Variants in DNAJC16 observed in about 807,000 individuals in gnomAD.
The protein encoded by DNAJC16 is dnaJ homolog subfamily C member 16.
DNAJC16 carries 76 observed loss-of-function variants against 92.7 expected under a neutral mutation model. The ratio of observed to expected loss-of-function variants is 0.82; its 90% confidence interval spans 0.68 to 0.99. The LOEUF (loss-of-function observed/expected upper bound fraction) is 0.99. Ranked by LOEUF, DNAJC16 falls within the 50% of genes least tolerant of loss-of-function variation. DNAJC16 has a pLI of 0.00. For missense variants in DNAJC16, 869 were observed against 942.4 expected (o/e 0.92, Z 1.02); for synonymous variants, 328 against 358.7 (o/e 0.91, Z 0.97).
chr1:15,546,602 T>C (rs1283169157), intron 5 of DNAJC16, among the ~76,000 whole-genome samples, 165 bp from the exon 6 acceptor site: 1 of 152,236 alleles, frequency 6.6e-6, no homozygotes, highest in Non-Finnish European at 1.5e-5. Context: ...ATATCACCAT[T>C]CTTTTAATAG....
chr1:15,556,334 A>G (rs1170185164), intron 7 of DNAJC16, among the ~76,000 whole-genome samples: 1 of 152,028 alleles, frequency 6.6e-6, no homozygotes, highest in African/African-American at 2.4e-5. Flanking sequence ...TCCCGGGTTC[A>G]AGTAATTCTC....
intron 3 of DNAJC16, among the ~76,000 whole-genome samples, 195 bp from the exon 4 acceptor site, chr1:15,536,280 A>G (rs1025502973): frequency 6.6e-6 from 1 of 151,700 alleles, no homozygotes; most frequent in South Asian, 2.1e-4. Flanking sequence ...GGGTTTCTCC[A>G]TGTTGGTCAG....
intron 3 of DNAJC16, 76 bp from the exon 4 acceptor site, chr1:15,536,399 G>C: frequency 1.6e-6 from 2 of 1,223,698 alleles, no homozygotes; most frequent in South Asian, 3.2e-5. Flanking sequence ...TTCTTCCTAT[G>C]TCTTTCAAGC....
At chr1:15,567,320 C>T (rs1303133455) in intron 14 of DNAJC16, 51 bp downstream of exon 14, 6 of 1,533,416 alleles carry the variant, frequency 3.9e-6, no homozygotes, top group Admixed American at 1.7e-5. Flanking sequence ...GAGAGAGAGG[C>T]AGGCACACTG....
chr1:15,526,884 TGGACGGGAAGC>T lies in DNAJC16; in HGVS notation c.-92_-82del, dbSNP rs1394611164. ...CCCCAGGCCCAGGCGAGCGCTGGTG[TGGACGGGAAGC>T]TCCCGGCCCGGCGAACTAACTGGAG... On this transcript the variant is annotated 5_prime_UTR_variant, in exon 1 of 15. Coordinates refer to ENST00000375847, the MANE Select transcript of DNAJC16 (RefSeq NM_015291.4). 6.6e-6 allele frequency: 1 copy of T among 152,438 alleles called. No individual in the cohort carries two copies. The highest frequency in any genetic ancestry group is 1.5e-5 in the Non-Finnish European group (1 of 68,162). 9.4% of individuals were successfully genotyped at this position (152,438 alleles called of 1,614,324 possible).
At chr1:15,558,448 A>G (rs1570924925) in intron 7 of DNAJC16, among the ~76,000 whole-genome samples, 1 of 151,970 alleles carries the variant, frequency 6.6e-6, no homozygotes, top group African/African-American at 2.4e-5. Flanking sequence ...CGGCCTCCCA[A>G]AGTTCGGGGA....
chr1:15,534,538 AT>A (rs1482626752), intron 3 of DNAJC16, among the ~76,000 whole-genome samples: 1 of 151,990 alleles, frequency 6.6e-6, no homozygotes, highest in African/African-American at 2.4e-5. Flanking sequence ...CCTGACCAAC[AT>A]GCTGAAACCC....
intron 11 of DNAJC16, 65 bp downstream of exon 11, chr1:15,564,424 GAA>G (rs1195348932): frequency 4.7e-6 from 5 of 1,056,838 alleles, no homozygotes; most frequent in East Asian, 2.4e-5. Context: ...TTTTTCTTTT[GAA>G]AAGAGTTCAT....
chr1:15,548,864 A>C (rs528181598), intron 7 of DNAJC16, among the ~76,000 whole-genome samples: 1 of 152,340 alleles, frequency 6.6e-6, no homozygotes, highest in East Asian at 1.9e-4. Flanking sequence ...ATACTTTAAA[A>C]TGTAAAGTTA....
At chr1:15,544,219 TC>T (rs1364002577) in intron 4 of DNAJC16, among the ~76,000 whole-genome samples, 179 bp from the exon 5 acceptor site, 1 of 147,196 alleles carries the variant, frequency 6.8e-6, no homozygotes, top group Non-Finnish European at 1.5e-5. Context: ...GCCAGATTGC[TC>T]TACAGAAAAA....
chr1:15,556,163 A>G (rs1638566465), intron 7 of DNAJC16, among the ~76,000 whole-genome samples: 1 of 151,042 alleles, frequency 6.6e-6, no homozygotes, highest in Non-Finnish European at 1.5e-5. Flanking sequence ...AAAAAGAATG[A>G]AGACAGTATC....
chr1:15,566,529 A>C (rs1170718877), intron 13 of DNAJC16: 11 of 255,332 alleles, frequency 4.3e-5, no homozygotes, highest in Admixed American at 1.0e-4. Flanking sequence ...CGAGACAAAG[A>C]ACATAGACTG....
chr1:15,528,446 A>G (rs1255914553), intron 1 of DNAJC16, among the ~76,000 whole-genome samples: 3 of 151,804 alleles, frequency 2.0e-5, no homozygotes, highest in Non-Finnish European at 4.4e-5. Flanking sequence ...AAAAAAAAAC[A>G]AAAAAACACC....
In DNAJC16 at chr1:15,536,734, A is replaced by C. The variant is rs753340096; in HGVS notation, c.494A>C (p.Lys165Thr). The change falls in exon 4 of 15, where the codon AAG (lysine) becomes ACG (threonine). Residue 165 changes from lysine (K) to threonine (T), a missense_variant. Transcript: ENST00000375847. ...PDSFKKPYLIKITSDWCFSCI... is the reference protein window; with the variant it reads ...PDSFKKPYLITITSDWCFSCI... ...AGCTTCAAGAAACCCTACCTCATCAAGATCACCTCCGATTGGTGCTTTAGC... is the reference window on the plus strand; with the variant it reads ...AGCTTCAAGAAACCCTACCTCATCACGATCACCTCCGATTGGTGCTTTAGC... 6.2e-7 allele frequency: 1 copy of C among 1,614,230 alleles called. No homozygotes were observed. The highest frequency in any genetic ancestry group is 2.2e-5 in the East Asian group (1 of 44,884).
chr1:15,537,865 G>A (rs539590910), intron 4 of DNAJC16, among the ~76,000 whole-genome samples: 19 of 152,254 alleles, frequency 1.2e-4, no homozygotes, highest in South Asian at 2.1e-4. Flanking sequence ...TAAACACTGC[G>A]CGCGTACTGC....
chr1:15,566,566 C>A, intron 13 of DNAJC16: 1 of 208,628 alleles, frequency 4.8e-6, no homozygotes, highest in South Asian at 8.5e-5. Context: ...TTCATTCTGT[C>A]CTAGAGCAAC....
In DNAJC16 at chr1:15,564,030, C is replaced by A; in HGVS notation, c.1440C>A (p.Gly480=). The change falls in exon 10 of 15, where the codon GGC becomes GGA. Residue 480 remains glycine, a synonymous_variant. Coordinates refer to ENST00000375847, the MANE Select transcript of DNAJC16 (RefSeq NM_015291.4). ...AGAGTGACAAATTTATCCTCTTGGGCTATCTCGACCAGCTGCGTAAAGATC... is the reference window on the plus strand; with the variant it reads ...AGAGTGACAAATTTATCCTCTTGGGATATCTCGACCAGCTGCGTAAAGATC... The part of the protein sequence containing the change: ...GSESDKFILL[G]YLDQLRKDPA... 1.2e-6 allele frequency: 2 copies of A among 1,613,826 alleles called. No individual in the cohort carries two copies. Among genetic ancestry groups the A allele is most frequent in the South Asian group, 2.2e-5 (2 of 91,088 alleles).
At chr1:15,567,078 C>T in intron 13 of DNAJC16, 21 bp from the exon 14 acceptor site, 1 of 1,598,192 alleles carries the variant, frequency 6.3e-7, no homozygotes, top group Admixed American at 1.7e-5. Context: ...AGCATCTTAA[C>T]TCCTCAATAT....
chr1:15,527,455 AT>A (rs1301184936), intron 1 of DNAJC16, among the ~76,000 whole-genome samples: 1 of 152,210 alleles, frequency 6.6e-6, no homozygotes, highest in Non-Finnish European at 1.5e-5. Flanking sequence ...CTTTACATGC[AT>A]TTAGTCCCCA....
Sources: gnomAD v4.1 joint callset for allele counts (sites outside exome capture counted in the v4.1 genomes callset) on GRCh38, gnomAD v4.1.1 for gene constraint, MANE v1.5 for transcripts, NCBI Gene and HGNC (gene_info 2026-07-23, HGNC 2026-07-21) for gene names.